CSMD1: variants seen among roughly 807,000 people sequenced by gnomAD.
CSMD1 encodes CUB and Sushi multiple domains 1, also known as CUB and sushi domain-containing protein 1.
In CSMD1, 213 loss-of-function variants were observed where a neutral mutation model predicts 417.5. The observed-to-expected ratio is 0.51, with a 90% CI of 0.46 to 0.57. The LOEUF (loss-of-function observed/expected upper bound fraction) is 0.57. Ranked by LOEUF, CSMD1 falls within the 20% of genes least tolerant of loss-of-function variation. The pLI is 0.00. For synonymous variants in CSMD1, 2,862 were observed against 1,736.8 expected, an observed-to-expected ratio of 1.65 and a Z score of -16.11; for missense variants, 6,923 against 4,529.7, an observed-to-expected ratio of 1.53 and a Z score of -15.17.
At chr8:3,024,952 C>G (rs564533863) in intron 51 of CSMD1, among the ~76,000 whole-genome samples, 131 of 152,298 alleles carry the variant, frequency 8.6e-4, no homozygotes, top group Non-Finnish European at 1.3e-3. Context: ...TACACGTGCC[C>G]TAAAACTGTG....
chr8:4,702,016 C>A (rs1807590484), intron 1 of CSMD1, among the ~76,000 whole-genome samples: 1 of 152,162 alleles, frequency 6.6e-6, no homozygotes, highest in Non-Finnish European at 1.5e-5. Context: ...GAACAGAAAA[C>A]CAAACACCGC....
At chr8:4,087,506 T>G (rs1300080735) in intron 3 of CSMD1, among the ~76,000 whole-genome samples, 2 of 152,338 alleles carry the variant, frequency 1.3e-5, no homozygotes, top group Admixed American at 6.5e-5. Context: ...CCTATTATTT[T>G]TATCCTCTCT....
chr8:3,903,968 C>G (rs17067885), intron 5 of CSMD1, among the ~76,000 whole-genome samples: 313 of 152,106 alleles, frequency 2.1e-3, no homozygotes, highest in African/African-American at 7.3e-3. Flanking sequence ...ACCTGGAATA[C>G]CTTGTTCTGT....
chr8:4,027,373 T>A (rs756642352), intron 4 of CSMD1, among the ~76,000 whole-genome samples: 17 of 152,158 alleles, frequency 1.1e-4, no homozygotes, highest in Non-Finnish European at 1.6e-4. Flanking sequence ...GTAACCTAAA[T>A]TCTAATCCCC....
At chr8:3,307,392 C>G (rs937270361) in intron 25 of CSMD1, among the ~76,000 whole-genome samples, 3 of 140,372 alleles carry the variant, frequency 2.1e-5, no homozygotes, top group Non-Finnish European at 3.1e-5. Flanking sequence ...TCAGAACAGC[C>G]CAGGCAACCC....
At chr8:4,105,330 C>T (rs1032579825) in intron 3 of CSMD1, among the ~76,000 whole-genome samples, 4 of 128,432 alleles carry the variant, frequency 3.1e-5, no homozygotes, top group Non-Finnish European at 5.0e-5. Context: ...TCTTGTAACA[C>T]TTCTGAATTT....
At chr8:4,706,901 G>A (rs1034406542) in intron 1 of CSMD1, among the ~76,000 whole-genome samples, 7 of 152,318 alleles carry the variant, frequency 4.6e-5, no homozygotes, top group Middle Eastern at 3.4e-3. Context: ...AAGGCAAGGC[G>A]AAAAGCTTCT....
In CSMD1 at chr8:4,945,050, C is replaced by T. The variant is rs181643475; in HGVS notation, c.85+49282G>A. On this transcript the variant is annotated intron_variant, in intron 1 of 69. Transcript: ENST00000635120. Reference sequence around the variant, plus strand: ...ATAAGCAAAAGGTGGTCTCTTCACACGAAAATTATTTATCCTAAAAAGGAA... The same window carrying T: ...ATAAGCAAAAGGTGGTCTCTTCACATGAAAATTATTTATCCTAAAAAGGAA... Among the ~76,000 whole-genome samples the T allele has an allele frequency of 2.5e-4, 38 of 152,150 alleles. No homozygotes were observed. In the South Asian group the frequency reaches 3.5e-3, roughly 14 times the overall value.
chr8:4,749,634 G>C (rs1338964336), intron 1 of CSMD1, among the ~76,000 whole-genome samples: 3 of 152,118 alleles, frequency 2.0e-5, no homozygotes, highest in Non-Finnish European at 2.9e-5. Context: ...AGCGTCAAAA[G>C]TTTCACTTTA....
At chr8:4,340,764 G>A (rs931826834) in intron 3 of CSMD1, among the ~76,000 whole-genome samples, 1 of 152,078 alleles carries the variant, frequency 6.6e-6, no homozygotes, top group African/African-American at 2.4e-5. Context: ...CTGCAAAACT[G>A]TCAAGCAAAC....
chr8:3,019,660 A>C (rs903166959), intron 51 of CSMD1, among the ~76,000 whole-genome samples: 2 of 152,230 alleles, frequency 1.3e-5, no homozygotes, highest in African/African-American at 4.8e-5. Context: ...CCTATGCCCC[A>C]TGTTTACACC....
At chr8:4,117,271 T>G (rs879704237) in intron 3 of CSMD1, among the ~76,000 whole-genome samples, 1 of 151,426 alleles carries the variant, frequency 6.6e-6, no homozygotes, top group African/African-American at 2.4e-5. Context: ...CCCAAGGAAC[T>G]CACTCGAAGC....
At chr8:3,426,613 G>C (rs944709627) in intron 12 of CSMD1, among the ~76,000 whole-genome samples, 1 of 152,098 alleles carries the variant, frequency 6.6e-6, no homozygotes, top group South Asian at 2.1e-4. Flanking sequence ...TTTATTTCTT[G>C]ACACTGCCAC....
intron 2 of CSMD1, among the ~76,000 whole-genome samples, chr8:4,623,215 G>C (rs1801881960): frequency 6.6e-6 from 1 of 152,066 alleles, no homozygotes; most frequent in South Asian, 2.1e-4. Context: ...GAAGATATCT[G>C]AATGATCAAT....
chr8:4,434,572 A>G (rs531558461), intron 2 of CSMD1, among the ~76,000 whole-genome samples: 3 of 152,336 alleles, frequency 2.0e-5, no homozygotes, highest in South Asian at 2.1e-4. Flanking sequence ...ATAGAGGAGG[A>G]GGAAGTTCAT....
At chr8:4,904,818 T>C (rs1585299439) in intron 1 of CSMD1, among the ~76,000 whole-genome samples, 1 of 152,272 alleles carries the variant, frequency 6.6e-6, no homozygotes, top group African/African-American at 2.4e-5. Flanking sequence ...AAACAGAAAG[T>C]CTGGCATGAA....
chr8:3,502,344 G>T (rs568221743), intron 10 of CSMD1, among the ~76,000 whole-genome samples: 8 of 129,276 alleles, frequency 6.2e-5, no homozygotes, highest in Non-Finnish European at 1.1e-4. Context: ...CAGCCTGGGG[G>T]ACAGACCGAG....
intron 3 of CSMD1, among the ~76,000 whole-genome samples, chr8:4,317,814 A>C (rs1195446423): frequency 6.6e-6 from 1 of 152,184 alleles, no homozygotes. Flanking sequence ...CATTGTAGGC[A>C]TTCAGTAATT....
intron 54 of CSMD1, among the ~76,000 whole-genome samples, chr8:2,980,957 C>T (rs1466042661): frequency 1.3e-5 from 2 of 152,178 alleles, no homozygotes; most frequent in South Asian, 4.1e-4. Context: ...CTCAGTGGAT[C>T]CTAAAATGGA....
Sources: gnomAD v4.1 joint callset for allele counts (sites outside exome capture counted in the v4.1 genomes callset) on GRCh38, gnomAD v4.1.1 for gene constraint, MANE v1.5 for transcripts, NCBI Gene and HGNC (gene_info 2026-07-23, HGNC 2026-07-21) for gene names.